Variants in AASS observed in about 807,000 individuals in gnomAD.
AASS encodes the protein aminoadipate-semialdehyde synthase, also known as alpha-aminoadipic semialdehyde synthase, mitochondrial.
A neutral mutation model predicts 105.4 loss-of-function variants in AASS; 86 were observed. That is an observed-to-expected ratio of 0.82 (90% CI 0.69 to 0.98). AASS has a LOEUF of 0.98. Among genes scored for constraint, AASS ranks in the 50% least tolerant of loss-of-function variants. AASS has a pLI of 0.00. For synonymous variants in AASS, 381 were observed against 394.8 expected, an observed-to-expected ratio of 0.96 and a Z score of 0.41; for missense variants, 1,048 against 1,143.2, an observed-to-expected ratio of 0.92 and a Z score of 1.20.
At position 122,140,071 on chromosome 7, in the gene AASS, T is replaced by C. The variant is rs145449270; in HGVS notation, c.-16+4090A>G. 8.3e-3 allele frequency among the ~76,000 whole-genome samples: 1,266 copies of C among 152,276 alleles called. 44 individuals carry two copies. The highest frequency in any genetic ancestry group is 0.064 in the Admixed American group (977 of 15,300). On this transcript the variant is annotated intron_variant, in intron 1 of 23. Transcript: ENST00000417368. The stretch of plus-strand genomic sequence containing the variant: ...TAGAGCTTTTTACTCTTCCATCAAA[T>C]AGCTAAAATTCTTTAAGTCTCTTCA...
rs371837372 is a variant in AASS at position 122,095,535 on chromosome 7, G to T, written c.1656-2377C>A. On this transcript the variant is annotated intron_variant, in intron 15 of 23. Transcript: ENST00000417368. ...AGAAACAATATTACACTATATCATTGTACTTGTCAAATTCATTCTGCATAG... is the reference window on the plus strand; with the variant it reads ...AGAAACAATATTACACTATATCATTTTACTTGTCAAATTCATTCTGCATAG... Among the ~76,000 whole-genome samples the T allele has an allele frequency of 6.0e-5, 9 of 150,406 alleles. No homozygotes were observed. In the East Asian group the frequency reaches 1.6e-3, roughly 26 times the overall value.
At chr7:122,118,110 CACACATACACAT>C (rs1426185410) in intron 6 of AASS, among the ~76,000 whole-genome samples, 185 bp downstream of exon 6, 1 of 152,052 alleles carries the variant, frequency 6.6e-6, no homozygotes, top group Non-Finnish European at 1.5e-5. Flanking sequence ...TATATATACA[CACACATACACAT>C]ACACACATAC....
chr7:122,102,436 A>G (rs954999341), intron 11 of AASS, among the ~76,000 whole-genome samples: 1 of 152,004 alleles, frequency 6.6e-6, no homozygotes, highest in Admixed American at 6.6e-5. Flanking sequence ...GCCAAGAAGT[A>G]ATGGCATATA....
At chr7:122,140,102 T>A (rs1000763874) in intron 1 of AASS, among the ~76,000 whole-genome samples, 1 of 152,136 alleles carries the variant, frequency 6.6e-6, no homozygotes, top group Non-Finnish European at 1.5e-5. Flanking sequence ...CTTCAACCCT[T>A]TCCATAGCAC....
intron 1 of AASS, among the ~76,000 whole-genome samples, chr7:122,138,091 G>T (rs1386505197): frequency 6.6e-6 from 1 of 152,090 alleles, no homozygotes. Context: ...TTACATGAAG[G>T]TTAACATTTC....
chr7:122,128,938 C>T (rs1173847210), intron 3 of AASS, among the ~76,000 whole-genome samples: 2 of 152,030 alleles, frequency 1.3e-5, no homozygotes, highest in African/African-American at 4.8e-5. Flanking sequence ...ATTAGCTGGG[C>T]GTGTTGGCTG....
intron 17 of AASS, 62 bp downstream of exon 17, chr7:122,092,781 T>G (rs1410795702): frequency 2.2e-6 from 3 of 1,362,232 alleles, no homozygotes; most frequent in Non-Finnish European, 3.2e-6. Context: ...AACTCATACT[T>G]TGATTCTGTA....
At chr7:122,144,094 G>A (rs2150563312) in intron 1 of AASS, 67 bp downstream of exon 1, 2 of 152,252 alleles carry the variant, frequency 1.3e-5, no homozygotes, top group Admixed American at 6.5e-5. Flanking sequence ...TATCTCCACC[G>A]CATCTCACAG....
chr7:122,087,016 G>A (rs1320330118), intron 18 of AASS, among the ~76,000 whole-genome samples: 1 of 152,156 alleles, frequency 6.6e-6, no homozygotes, highest in Non-Finnish European at 1.5e-5. Flanking sequence ...AAAGCATTCT[G>A]GAGTGATAAA....
At chr7:122,102,370 G>A (rs989163071) in intron 11 of AASS, among the ~76,000 whole-genome samples, 5 of 151,868 alleles carry the variant, frequency 3.3e-5, no homozygotes, top group Admixed American at 3.3e-4. Context: ...ATACTGCCAA[G>A]AAGTAATGGG....
At chr7:122,133,792 G>T in intron 1 of AASS, 51 bp from the exon 2 acceptor site, 2 of 1,489,460 alleles carry the variant, frequency 1.3e-6, no homozygotes, top group Non-Finnish European at 9.3e-7. Context: ...AAGGCTGGCA[G>T]ATCAGTTCTG....
chr7:122,080,860 T>C (rs1793281807), intron 20 of AASS, among the ~76,000 whole-genome samples: 1 of 152,224 alleles, frequency 6.6e-6, no homozygotes. Flanking sequence ...CTCCTTGTGA[T>C]ACATTTCTGG....
At chr7:122,143,425 A>G (rs1320502153) in intron 1 of AASS, among the ~76,000 whole-genome samples, 1 of 150,758 alleles carries the variant, frequency 6.6e-6, no homozygotes, top group South Asian at 2.2e-4. Flanking sequence ...ATAGACAGAC[A>G]TTCAGCCCCA....
Position 122,101,612 on chromosome 7 carries a change from A to G in AASS, c.1338+9T>C. On this transcript the variant is annotated intron_variant, in intron 12 of 23. Transcript: ENST00000417368. ...ACATTTATGAAAAAATATTCTGCTC[A>G]TAACTTACATCTCTCACCACAGGAG... 14 of 1,607,980 alleles carry G rather than the reference A, an allele frequency of 8.7e-6. No individual in the cohort carries two copies. The highest frequency in any genetic ancestry group is 1.0e-5 in the Non-Finnish European group (12 of 1,175,128).
intron 2 of AASS, among the ~76,000 whole-genome samples, chr7:122,130,369 AGT>A (rs1260277282): frequency 1.3e-5 from 2 of 152,058 alleles, no homozygotes; most frequent in African/African-American, 4.8e-5. Context: ...ACAACATACG[AGT>A]AAACCGATTT....
At chr7:122,101,548 G>GAA (rs2150524249) in intron 12 of AASS, 73 bp downstream of exon 12, 2 of 1,484,568 alleles carry the variant, frequency 1.3e-6, no homozygotes, top group Non-Finnish European at 1.9e-6. Context: ...GAGAGAGAGA[G>GAA]AAACAGAGAG....
At chr7:122,133,957 G>A in intron 1 of AASS, 1 of 575,152 alleles carries the variant, frequency 1.7e-6, no homozygotes, top group South Asian at 2.0e-5. Context: ...AAAAAGTATA[G>A]AGCAACGTGT....
chr7:122,122,043 G>A (rs995657460), intron 4 of AASS, among the ~76,000 whole-genome samples: 6 of 152,022 alleles, frequency 3.9e-5, no homozygotes, highest in African/African-American at 1.4e-4. Context: ...GATGTTTATC[G>A]TAGTTATTCT....
intron 22 of AASS, 37 bp downstream of exon 22, chr7:122,078,825 T>C: frequency 6.4e-7 from 1 of 1,570,912 alleles, no homozygotes; most frequent in Non-Finnish European, 8.8e-7. Flanking sequence ...CTTATGATTC[T>C]TCTTTAGGTA....
Sources: allele counts gnomAD v4.1 joint callset (sites outside exome capture counted in the v4.1 genomes callset), GRCh38; gene constraint gnomAD v4.1.1; transcripts MANE v1.5; gene names NCBI Gene and HGNC (gene_info 2026-07-23, HGNC 2026-07-21).